PACS2: variants seen among roughly 807,000 people sequenced by gnomAD.
PACS2 encodes PACS1-like protein.
In PACS2, 36 loss-of-function variants were observed where a neutral mutation model predicts 113.0. That is an observed-to-expected ratio of 0.32 (90% CI 0.24 to 0.42). The LOEUF (loss-of-function observed/expected upper bound fraction) is 0.42. Ranked by LOEUF, PACS2 falls within the 10% of genes least tolerant of loss-of-function variation. The pLI is 1.00. For synonymous variants in PACS2, 589 were observed against 536.1 expected, an observed-to-expected ratio of 1.10 and a Z score of -1.36; for missense variants, 1,015 against 1,239.5, an observed-to-expected ratio of 0.82 and a Z score of 2.72.
At chr14:105,314,227 G>A (rs192761952), upstream of PACS2, among the ~76,000 whole-genome samples, 6,283 of 151,944 alleles carry the variant, frequency 0.041, 484 homozygotes, top group African/African-American at 0.14. Flanking sequence ...CCGCACAGCC[G>A]GGCCAACCCA....
chr14:105,322,108 TTG>T (rs2058915741), intron 1 of PACS2, among the ~76,000 whole-genome samples: 1 of 151,718 alleles, frequency 6.6e-6, no homozygotes, highest in South Asian at 2.1e-4. Context: ...CAGTTAATTT[TTG>T]TATTTTTAGT....
At position 105,368,522 on chromosome 14, in the gene PACS2, A is replaced by G; in HGVS notation, c.724A>G (p.Thr242Ala). 1 of 1,613,766 alleles carries G rather than the reference A, an allele frequency of 6.2e-7. No individual in the cohort carries two copies. The highest frequency in any genetic ancestry group is 8.5e-7 in the Non-Finnish European group (1 of 1,179,736). ...GAAGCAGCGGAGATCGATTGTAAGA[A>G]CGACGTCCATGACCAGGGTTGGTGG... is the stretch of plus-strand genomic sequence containing the variant. ...PKKQRRSIVR[T>A]TSMTRQQNFK... Residue 242 changes from threonine to alanine, a missense_variant, in exon 7 of 25, where the codon ACG becomes GCG. By Grantham distance (58) the Thr-to-Ala change is moderately conservative. Coordinates refer to ENST00000447393, the MANE Select transcript of PACS2 (RefSeq NM_001100913.3).
Position 105,369,982 on chromosome 14 carries a change from C to T in PACS2, c.801+82C>T, listed in dbSNP as rs917763029. On this transcript the variant is annotated intron_variant, in intron 8 of 24. Transcript: ENST00000447393. The stretch of plus-strand genomic sequence containing the variant: ...GGAGGAGGCCTCTGGGGTCTGTCTC[C>T]GGGCCACCTCTGGTTCTGCCGCTCA... The T allele has an allele frequency of 3.8e-5, 45 of 1,189,054 alleles. No individual in the cohort carries two copies. In the East Asian group the frequency reaches 5.4e-4, roughly 14 times the overall value. 73.7% of individuals were successfully genotyped at this position (1,189,054 alleles called of 1,614,324 possible).
intron 1 of PACS2, among the ~76,000 whole-genome samples, chr14:105,333,931 G>A (rs941049329): frequency 6.6e-6 from 1 of 152,168 alleles, no homozygotes; most frequent in East Asian, 1.9e-4. Flanking sequence ...CCTCACCCGG[G>A]CTAAAATAGC....
At chr14:105,304,756 G>A (rs1294975839) in intron 1 of PACS2, among the ~76,000 whole-genome samples, 4 of 152,264 alleles carry the variant, frequency 2.6e-5, no homozygotes, top group African/African-American at 9.6e-5. Context: ...AGGAAGGCAA[G>A]GAGGAGCAAG....
rs182201209 is a variant in PACS2 at position 105,323,855 on chromosome 14, G to A, written c.119+8818G>A. Reference sequence around the variant, plus strand: ...GCTGGGGCCAAGGGGCAGCAGGACGGTGCCCGTAGCCCTGGAGGCCTTGGG... The same window carrying A: ...GCTGGGGCCAAGGGGCAGCAGGACGATGCCCGTAGCCCTGGAGGCCTTGGG... On this transcript the variant is annotated intron_variant, in intron 1 of 24. Coordinates refer to ENST00000447393, the MANE Select transcript of PACS2 (RefSeq NM_001100913.3). This position sits in a 1 kb window ranked among gnomAD's most constrained non-coding sequence, Gnocchi z 4.1. 2.4e-3 allele frequency among the ~76,000 whole-genome samples: 360 copies of A among 152,342 alleles called. 2 individuals are homozygous for A. Among genetic ancestry groups the A allele is most frequent in the African/African-American group, 8.3e-3 (344 of 41,582 alleles).
rs587721197 is a variant in PACS2 at position 105,323,243 on chromosome 14, A to G, written c.119+8206A>G. 4.6e-5 allele frequency among the ~76,000 whole-genome samples: 7 copies of G among 151,938 alleles called. No individual in the cohort carries two copies. The highest frequency in any genetic ancestry group is 8.8e-5 in the Non-Finnish European group (6 of 67,970). ...TTTCTTCTGCTGTTGGTTCTGCGCT[A>G]TTCTCTCTCTCACCTCTGGAGCAAC... On this transcript the variant is annotated intron_variant, in intron 1 of 24. Coordinates refer to ENST00000447393, the MANE Select transcript of PACS2 (RefSeq NM_001100913.3). The surrounding 1 kb of genome is among the most constrained non-coding windows in gnomAD (Gnocchi z 4.1).
intron 2 of PACS2, among the ~76,000 whole-genome samples, chr14:105,350,607 C>G (rs1345112487): frequency 6.6e-6 from 1 of 152,152 alleles, no homozygotes; most frequent in African/African-American, 2.4e-5. Context: ...CTTGGGGTGT[C>G]CTCTCCGCCC....
rs587700827 is a variant in PACS2 at position 105,393,301 on chromosome 14, C to T, written c.2562C>T (p.Ile854=). The T allele has an allele frequency of 1.2e-6, 2 of 1,612,210 alleles. No individual in the cohort carries two copies. The highest frequency in any genetic ancestry group is 1.7e-5 in the Admixed American group (1 of 60,016). Residue 854 remains isoleucine, a synonymous_variant, in exon 24 of 25, where the codon ATC becomes ATT. Coordinates refer to ENST00000447393, the MANE Select transcript of PACS2 (RefSeq NM_001100913.3). ...GCATTGAGGGCATCAGCCGGCTCAT[C>T]TGCACTGCCAGGCAGCAGCAGAACA... The part of the protein sequence containing the change: ...SQCIEGISRL[I]CTARQQQNML...
chr14:105,325,579 GC>G (rs1266551525), intron 1 of PACS2, among the ~76,000 whole-genome samples: 4 of 152,216 alleles, frequency 2.6e-5, no homozygotes, highest in Non-Finnish European at 5.9e-5. Flanking sequence ...CAGCTCAGCA[GC>G]CCCAGGAGCC....
chr14:105,314,996 C>T lies in PACS2; in HGVS notation c.78C>T (p.Ala26=). The part of the protein sequence containing the change: ...LNTPVPMNLF[A]TWEVDGSSPS... ...CGCCCGTGCCCATGAACCTGTTCGCCACCTGGGAGGTGGACGGCTCCAGCC... is the reference window on the plus strand; with the variant it reads ...CGCCCGTGCCCATGAACCTGTTCGCTACCTGGGAGGTGGACGGCTCCAGCC... Residue 26 remains alanine (A), a synonymous_variant, in exon 1 of 25, where the codon GCC becomes GCT. Coordinates refer to ENST00000447393, the MANE Select transcript of PACS2 (RefSeq NM_001100913.3). The T allele has an allele frequency of 8.0e-7, 1 of 1,254,248 alleles. No homozygotes were observed. Among genetic ancestry groups the T allele is most frequent in the Non-Finnish European group, 1.0e-6 (1 of 978,812 alleles). The allele number at this position is 1,254,248 out of a possible 1,614,324, so 77.7% of individuals were successfully genotyped here.
rs1460543247 is a variant in PACS2 at position 105,323,034 on chromosome 14, A to T, written c.119+7997A>T. Reference sequence around the variant, plus strand: ...ACTTCCAGCTTTGCTGTAAGAGGTCAGCGGCCGTGACAGGCTGGAGGGAGA... The same window carrying T: ...ACTTCCAGCTTTGCTGTAAGAGGTCTGCGGCCGTGACAGGCTGGAGGGAGA... On this transcript the variant is annotated intron_variant, in intron 1 of 24. Coordinates refer to ENST00000447393, the MANE Select transcript of PACS2 (RefSeq NM_001100913.3). This position sits in a 1 kb window ranked among gnomAD's most constrained non-coding sequence, Gnocchi z 4.1. 6.6e-6 allele frequency among the ~76,000 whole-genome samples: 1 copy of T among 152,160 alleles called. No homozygotes were observed. Among genetic ancestry groups the T allele is most frequent in the Non-Finnish European group, 1.5e-5 (1 of 68,034 alleles).
intron 4 of PACS2, among the ~76,000 whole-genome samples, chr14:105,364,040 G>A (rs1406453472): frequency 2.0e-5 from 3 of 152,156 alleles, no homozygotes; most frequent in Non-Finnish European, 4.4e-5. Flanking sequence ...GAGCAGTTGT[G>A]ATAGTCACAC....
rs782675473 is a variant in PACS2 at position 105,376,965 on chromosome 14, C to T, written c.959+40C>T. On this transcript the variant is annotated intron_variant, in intron 9 of 24. Coordinates refer to ENST00000447393, the MANE Select transcript of PACS2 (RefSeq NM_001100913.3). This position sits in a 1 kb window ranked among gnomAD's most constrained non-coding sequence, Gnocchi z 4.7. ...GCGGGGCGGGGAGGAACAGCCATTT[C>T]AGATGCCCCGGCCACTCTGCGACCA... The T allele has an allele frequency of 1.3e-6, 2 of 1,547,176 alleles. No homozygotes were observed. Among genetic ancestry groups the T allele is most frequent in the South Asian group, 2.4e-5 (2 of 82,576 alleles).
Position 105,324,685 on chromosome 14 carries a change from C to T in PACS2, c.119+9648C>T, listed in dbSNP as rs587738565. On this transcript the variant is annotated intron_variant, in intron 1 of 24. Transcript: ENST00000447393. This position sits in a 1 kb window ranked among gnomAD's most constrained non-coding sequence, Gnocchi z 4.7. ...GGTGCTGGGGTCGTCAGCAGCTCCT[C>T]GAGGGCTCCGGCCTGTGGAGGCCGG... is the stretch of plus-strand genomic sequence containing the variant. 2.0e-5 allele frequency among the ~76,000 whole-genome samples: 3 copies of T among 152,314 alleles called. No homozygotes were observed. Among genetic ancestry groups the T allele is most frequent in the Admixed American group, 6.5e-5 (1 of 15,310 alleles).
At chr14:105,382,939 A>C (rs1555412491) in intron 15 of PACS2, 26 bp downstream of exon 15, 63 of 1,383,954 alleles carry the variant, frequency 4.6e-5, no homozygotes, top group Non-Finnish European at 6.2e-5. Context: ...CCCTGTACTC[A>C]CCACCCAAGT....
chr14:105,395,633 A>C lies in PACS2; in HGVS notation c.*961A>C, dbSNP rs1223922021. On this transcript the variant is annotated 3_prime_UTR_variant, in exon 25 of 25. Transcript: ENST00000447393. ...AGATGTGTTTGTGTCACCTGCTGCAACGCTGTAGCCAATGAAGATTCCAGC... is the reference window on the plus strand; with the variant it reads ...AGATGTGTTTGTGTCACCTGCTGCACCGCTGTAGCCAATGAAGATTCCAGC... 1 of 152,244 alleles carries C rather than the reference A, an allele frequency of 6.6e-6. No individual in the cohort carries two copies. The highest frequency in any genetic ancestry group is 1.5e-5 in the Non-Finnish European group (1 of 68,062). 9.4% of individuals were successfully genotyped at this position (152,244 alleles called of 1,614,324 possible). A position where few individuals can be genotyped will look rare whatever the true frequency, so the allele number is the denominator to read the frequency against.
intron 8 of PACS2, 59 bp downstream of exon 8, chr14:105,369,959 AG>A (rs2061090540): frequency 6.9e-7 from 1 of 1,449,926 alleles, no homozygotes; most frequent in Non-Finnish European, 9.4e-7. Flanking sequence ...CCTGGTCGGG[AG>A]GAGGCCTCTG....
intron 1 of PACS2, among the ~76,000 whole-genome samples, chr14:105,319,306 A>T (rs2058796198): frequency 6.6e-6 from 1 of 152,200 alleles, no homozygotes. Context: ...AAGTTCTTTA[A>T]CTCTGTAGAG....
Sources: gnomAD v4.1 joint callset for allele counts (sites outside exome capture counted in the v4.1 genomes callset) on GRCh38, gnomAD v4.1.1 for gene constraint, Gnocchi (gnomAD v3.1) non-coding constraint, MANE v1.5 for transcripts, NCBI Gene and HGNC (gene_info 2026-07-23, HGNC 2026-07-21) for gene names.